The following PCDHGB7 variants were observed in gnomAD, a reference collection of about 807,000 sequenced individuals.
The protein encoded by PCDHGB7 is protocadherin gamma subfamily B, 7, also known as protocadherin gamma-B7.
Under a neutral mutation model 61.4 loss-of-function variants are expected in PCDHGB7, and 37 were observed. The observed-to-expected ratio is 0.60, with a 90% CI of 0.46 to 0.79. PCDHGB7 has a LOEUF of 0.79. Among genes scored for constraint, PCDHGB7 ranks in the 30% least tolerant of loss-of-function variants. The probability of loss-of-function intolerance (pLI) is 0.00; values close to 1 mark genes in which losing one functional copy is unlikely to be tolerated. For missense variants in PCDHGB7, 1,166 were observed against 1,202.5 expected (o/e 0.97, Z 0.45); for synonymous variants, 464 against 503.5 (o/e 0.92, Z 1.05).
At position 141,493,512 on chromosome 5, in the gene PCDHGB7, C is replaced by A. The variant is rs1327850681; in HGVS notation, c.2416-1295C>A. The stretch of plus-strand genomic sequence containing the variant: ...CTGTGGCTCCTCATTTCTGAGCAGT[C>A]CCCGCAGCGCAAACTTGGCCAGTTA... On this transcript the variant is annotated intron_variant, in intron 1 of 3. Transcript: ENST00000398594. The surrounding 1 kb of genome is among the most constrained non-coding windows in gnomAD (Gnocchi z 4.3). Among the ~76,000 whole-genome samples the A allele has an allele frequency of 1.3e-5, 2 of 152,148 alleles. No individual in the cohort carries two copies. Among genetic ancestry groups the A allele is most frequent in the South Asian group, 4.1e-4 (2 of 4,824 alleles).
Position 141,476,511 on chromosome 5 carries a change from A to G in PCDHGB7, c.2416-18296A>G, listed in dbSNP as rs1562054650. Reference sequence around the variant, plus strand: ...GTGATCCAGGACATCAACGACAACAATCCTGCTTTCCCTACCCAGGAAATG... The same window carrying G: ...GTGATCCAGGACATCAACGACAACAGTCCTGCTTTCCCTACCCAGGAAATG... On this transcript the variant is annotated intron_variant, in intron 1 of 3. Transcript: ENST00000398594. The surrounding 1 kb of genome is among the most constrained non-coding windows in gnomAD (Gnocchi z 7.6). The G allele has an allele frequency of 5.0e-6, 8 of 1,613,902 alleles. No individual in the cohort carries two copies. The highest frequency in any genetic ancestry group is 6.8e-6 in the Non-Finnish European group (8 of 1,179,960).
intron 2 of PCDHGB7, among the ~76,000 whole-genome samples, chr5:141,500,877 AT>A (rs369345007): frequency 5.2e-4 from 64 of 122,250 alleles, no homozygotes; most frequent in Admixed American, 1.0e-3. Context: ...TTCATTTACA[AT>A]TTTTTTTTTT....
intron 1 of PCDHGB7, among the ~76,000 whole-genome samples, chr5:141,434,345 G>C (rs1254991411): frequency 1.3e-5 from 2 of 152,144 alleles, no homozygotes; most frequent in African/African-American, 4.8e-5. Flanking sequence ...GTCGGGAACA[G>C]GCCCCCCAAA....
chr5:141,421,784 G>C, intron 1 of PCDHGB7: 1 of 1,613,874 alleles, frequency 6.2e-7, no homozygotes, highest in Non-Finnish European at 8.5e-7. Context: ...CTGCGGGGCA[G>C]AACGGATGGG....
At chr5:141,422,053 G>A in intron 1 of PCDHGB7, 1 of 1,611,606 alleles carries the variant, frequency 6.2e-7, no homozygotes, top group Non-Finnish European at 8.5e-7. Context: ...GGGAATCAAC[G>A]GGGAAGTAAT....
intron 1 of PCDHGB7, among the ~76,000 whole-genome samples, chr5:141,450,322 T>A (rs1246284108): frequency 6.6e-6 from 1 of 152,106 alleles, no homozygotes; most frequent in African/African-American, 2.4e-5. Context: ...CTAGTTGCCA[T>A]GTCTCTTTAA....
In PCDHGB7 at chr5:141,418,027, T is replaced by C. The variant is rs536104184; in HGVS notation, c.168T>C (p.Leu56=). The change falls in exon 1 of 4, where the codon CTT becomes CTC. Residue 56 remains leucine, a synonymous_variant. Coordinates refer to ENST00000398594, the MANE Select transcript of PCDHGB7 (RefSeq NM_018927.4). ...VVGNLAKDLG[L]SVLDVSAREL... ...GGAACCTCGCTAAGGATCTAGGGCT[T>C]AGTGTCCTGGATGTGTCGGCTCGCG... is the stretch of plus-strand genomic sequence containing the variant. 144 of 1,613,732 alleles carry C rather than the reference T, an allele frequency of 8.9e-5. No homozygotes were observed. The East Asian group carries it at 1.2e-3, about 14-fold the overall frequency.
chr5:141,509,308 C>G (rs943174290), intron 3 of PCDHGB7, among the ~76,000 whole-genome samples: 6 of 152,152 alleles, frequency 3.9e-5, no homozygotes, highest in African/African-American at 1.4e-4. Flanking sequence ...CAGAGGGAGG[C>G]TGGGAGAGAA....
chr5:141,460,498 T>G (rs1028506755), intron 1 of PCDHGB7, among the ~76,000 whole-genome samples: 1 of 152,184 alleles, frequency 6.6e-6, no homozygotes. Context: ...TGGAAAAATA[T>G]GCTGAGAAGG....
At chr5:141,445,838 A>T (rs1302150397) in intron 1 of PCDHGB7, among the ~76,000 whole-genome samples, 1 of 152,218 alleles carries the variant, frequency 6.6e-6, no homozygotes, top group South Asian at 2.1e-4. Flanking sequence ...GAGCCTTGTA[A>T]ATCACACTTA....
chr5:141,476,798 C>T lies in PCDHGB7; in HGVS notation c.2416-18009C>T. 3.1e-6 allele frequency: 5 copies of T among 1,613,660 alleles called. No homozygotes were observed. The highest frequency in any genetic ancestry group is 4.2e-6 in the Non-Finnish European group (5 of 1,180,028). ...AGGGACCCCAGCTCTCTCCGCCAGC[C>T]TGCCTATTCACATCAAGGTGCTGGA... On this transcript the variant is annotated intron_variant, in intron 1 of 3. Coordinates refer to ENST00000398594, the MANE Select transcript of PCDHGB7 (RefSeq NM_018927.4). This position sits in a 1 kb window ranked among gnomAD's most constrained non-coding sequence, Gnocchi z 7.6.
Position 141,489,072 on chromosome 5 carries a change from AC to A in PCDHGB7, c.2416-5730del. The A allele has an allele frequency of 6.3e-6, 1 of 157,708 alleles. No individual in the cohort carries two copies. The highest frequency in any genetic ancestry group is 1.2e-5 in the Non-Finnish European group (1 of 83,994). The allele number at this position is 157,708 out of a possible 1,614,324, so 9.8% of individuals were successfully genotyped here. On this transcript the variant is annotated intron_variant, in intron 1 of 3. Coordinates refer to ENST00000398594, the MANE Select transcript of PCDHGB7 (RefSeq NM_018927.4). This position sits in a 1 kb window ranked among gnomAD's most constrained non-coding sequence, Gnocchi z 4.5. ...AATTCAGCTCCCCTCCCCCCTGCCC[AC>A]CCCCGCCACTCGGTGACTAAGAACT...
intron 2 of PCDHGB7, among the ~76,000 whole-genome samples, chr5:141,499,256 A>G (rs371266271): frequency 6.6e-6 from 1 of 151,968 alleles, no homozygotes; most frequent in Non-Finnish European, 1.5e-5. Context: ...AAGAGTCTCC[A>G]TTTGGTCCCT....
In PCDHGB7 at chr5:141,432,908, C is replaced by T. The variant is rs757934634; in HGVS notation, c.2415+12634C>T. On this transcript the variant is annotated intron_variant, in intron 1 of 3. Transcript: ENST00000398594. This position sits in a 1 kb window ranked among gnomAD's most constrained non-coding sequence, Gnocchi z 6.0. Reference sequence around the variant, plus strand: ...CATCTTGCTGCTGGCGCTCAGGCTGCGGCGCTGGCACAAGTCACGCCTGCT... The same window carrying T: ...CATCTTGCTGCTGGCGCTCAGGCTGTGGCGCTGGCACAAGTCACGCCTGCT... 3.7e-5 allele frequency: 60 copies of T among 1,614,050 alleles called. No individual in the cohort carries two copies. Among genetic ancestry groups the T allele is most frequent in the Middle Eastern group, 3.3e-4 (2 of 6,082 alleles).
At chr5:141,502,008 C>T (rs753492460) in intron 2 of PCDHGB7, among the ~76,000 whole-genome samples, 6 of 152,086 alleles carry the variant, frequency 3.9e-5, no homozygotes, top group Non-Finnish European at 8.8e-5. Context: ...AACCCGCATG[C>T]TCTCCTCCCT....
At position 141,419,125 on chromosome 5, in the gene PCDHGB7, C is replaced by T; in HGVS notation, c.1266C>T (p.Ile422=). 1 of 1,613,852 alleles carries T rather than the reference C, an allele frequency of 6.2e-7. No individual in the cohort carries two copies. Among genetic ancestry groups the T allele is most frequent in the South Asian group, 1.1e-5 (1 of 91,084 alleles). ...REQTPEYNVT[I]AATDRGKPPL... ...AGACCCCAGAGTACAACGTCACCATCGCAGCCACAGACAGGGGCAAGCCTC... is the reference window on the plus strand; with the variant it reads ...AGACCCCAGAGTACAACGTCACCATTGCAGCCACAGACAGGGGCAAGCCTC... Residue 422 remains isoleucine (I), a synonymous_variant, in exon 1 of 4, where the codon ATC becomes ATT. Coordinates refer to ENST00000398594, the MANE Select transcript of PCDHGB7 (RefSeq NM_018927.4).
chr5:141,434,044 A>T (rs2097670450), intron 1 of PCDHGB7, among the ~76,000 whole-genome samples: 2 of 152,132 alleles, frequency 1.3e-5, no homozygotes, highest in South Asian at 4.1e-4. Flanking sequence ...TTTCTATTTT[A>T]TTCAATGGCC....
At chr5:141,423,927 T>G (rs2096791636) in intron 1 of PCDHGB7, 4 of 1,240,434 alleles carry the variant, frequency 3.2e-6, no homozygotes, top group Non-Finnish European at 4.1e-6. Flanking sequence ...TATGCTGGTT[T>G]GGTTTGAAGT....
chr5:141,467,376 A>G (rs1391386659), intron 1 of PCDHGB7, among the ~76,000 whole-genome samples: 2 of 151,990 alleles, frequency 1.3e-5, no homozygotes. Flanking sequence ...CTTATATTGC[A>G]TTTAGGTTTT....
Sources: gnomAD v4.1 joint callset for allele counts (sites outside exome capture counted in the v4.1 genomes callset) on GRCh38, gnomAD v4.1.1 for gene constraint, Gnocchi (gnomAD v3.1) non-coding constraint, MANE v1.5 for transcripts, NCBI Gene and HGNC (gene_info 2026-07-23, HGNC 2026-07-21) for gene names.